The following KCNH5 variants were observed in gnomAD, a reference collection of about 807,000 sequenced individuals.
KCNH5 encodes potassium voltage-gated channel subfamily H member 5.
Under a neutral mutation model 96.1 loss-of-function variants are expected in KCNH5, and 46 were observed. That is an observed-to-expected ratio of 0.48 (90% CI 0.38 to 0.61). The LOEUF (loss-of-function observed/expected upper bound fraction) is 0.61. Among genes scored for constraint, KCNH5 ranks in the 20% least tolerant of loss-of-function variants. The pLI is 0.00. For synonymous variants in KCNH5, 439 were observed against 449.8 expected, an observed-to-expected ratio of 0.98 and a Z score of 0.30; for missense variants, 907 against 1,225.8, an observed-to-expected ratio of 0.74 and a Z score of 3.88.
intron 6 of KCNH5, among the ~76,000 whole-genome samples, chr14:62,974,482 A>C (rs1408639784): frequency 6.6e-6 from 1 of 152,146 alleles, no homozygotes; most frequent in Non-Finnish European, 1.5e-5. Context: ...CAGCTTTTAG[A>C]AAATTTATGT....
chr14:62,926,084 G>A (rs1216212194), intron 7 of KCNH5, among the ~76,000 whole-genome samples: 2 of 152,026 alleles, frequency 1.3e-5, no homozygotes, highest in Admixed American at 6.6e-5. Flanking sequence ...ATTTCAAAAT[G>A]TTTCAGCAGA....
chr14:62,764,418 A>G (rs1885816578), intron 10 of KCNH5, among the ~76,000 whole-genome samples: 1 of 152,210 alleles, frequency 6.6e-6, no homozygotes, highest in Admixed American at 6.5e-5. Flanking sequence ...CCAAAGTCAT[A>G]CTGACTAGGC....
chr14:62,818,108 G>A (rs201124355), intron 8 of KCNH5, among the ~76,000 whole-genome samples: 2 of 91,956 alleles, frequency 2.2e-5, no homozygotes, highest in Non-Finnish European at 4.3e-5. Flanking sequence ...GGAGCTGGGG[G>A]CGGGGGGGGG....
intron 4 of KCNH5, among the ~76,000 whole-genome samples, chr14:62,994,789 G>A (rs1434047358): frequency 6.6e-6 from 1 of 152,024 alleles, no homozygotes; most frequent in Non-Finnish European, 1.5e-5. Context: ...TTGAGCGTCA[G>A]AATCTTCAAC....
chr14:62,714,156 G>A (rs1318958543), intron 10 of KCNH5, among the ~76,000 whole-genome samples: 2 of 152,038 alleles, frequency 1.3e-5, no homozygotes, highest in African/African-American at 2.4e-5. Context: ...ATGCATGGTG[G>A]TGCATGCCCG....
intron 9 of KCNH5, among the ~76,000 whole-genome samples, chr14:62,781,684 C>T (rs976166287): frequency 6.6e-6 from 1 of 152,206 alleles, no homozygotes; most frequent in Non-Finnish European, 1.5e-5. Context: ...TTCCGCCGGG[C>T]TCACCGGAGG....
intron 3 of KCNH5, among the ~76,000 whole-genome samples, chr14:63,003,720 T>C (rs1032220925): frequency 2.0e-5 from 3 of 147,734 alleles, no homozygotes; most frequent in Non-Finnish European, 3.0e-5. Flanking sequence ...CCTGGGTTCA[T>C]GCCATTCTCC....
chr14:62,820,224 G>A (rs1887087399), intron 8 of KCNH5, among the ~76,000 whole-genome samples: 1 of 152,122 alleles, frequency 6.6e-6, no homozygotes, highest in African/African-American at 2.4e-5. Flanking sequence ...CCAAAGCAAA[G>A]TGAAACTAAT....
At chr14:62,739,899 T>C (rs1015482925) in intron 10 of KCNH5, among the ~76,000 whole-genome samples, 3 of 152,146 alleles carry the variant, frequency 2.0e-5, no homozygotes, top group Non-Finnish European at 4.4e-5. Flanking sequence ...ATTTTATAGC[T>C]AGGCAATCAA....
chr14:63,007,195 A>G (rs1891143222), intron 2 of KCNH5, among the ~76,000 whole-genome samples: 1 of 152,164 alleles, frequency 6.6e-6, no homozygotes, highest in Admixed American at 6.6e-5. Context: ...GACAAAAAGG[A>G]TGAAGGTTTC....
chr14:62,740,129 T>C (rs1472237842), intron 10 of KCNH5, among the ~76,000 whole-genome samples: 1 of 152,140 alleles, frequency 6.6e-6, no homozygotes, highest in Non-Finnish European at 1.5e-5. Context: ...AAAGGTCAAG[T>C]AGGAGTCCCT....
In KCNH5 at chr14:62,950,063, CCTAT is replaced by C. The variant is rs1384837653; in HGVS notation, c.1369+66_1369+69del. On this transcript the variant is annotated intron_variant, in intron 7 of 10. Coordinates refer to ENST00000322893, the MANE Select transcript of KCNH5 (RefSeq NM_139318.5). ...TGTAAACAAAGTAGTTCGTTTTCATCCTATCTGAGATTGTAGCCAGGAAAATTGC... is the reference window on the plus strand; with the variant it reads ...TGTAAACAAAGTAGTTCGTTTTCATCCTGAGATTGTAGCCAGGAAAATTGC... 5 of 1,364,314 alleles carry C rather than the reference CCTAT, an allele frequency of 3.7e-6. No homozygotes were observed. The African/African-American group carries it at 4.3e-5, about 12-fold the overall frequency. The allele number at this position is 1,364,314 out of a possible 1,614,324, so 84.5% of individuals were successfully genotyped here. A position where few individuals can be genotyped will look rare whatever the true frequency, so the allele number is the denominator to read the frequency against.
chr14:62,776,642 C>T (rs2139972011), intron 10 of KCNH5, among the ~76,000 whole-genome samples: 1 of 152,260 alleles, frequency 6.6e-6, no homozygotes. Flanking sequence ...ACTATCTGGT[C>T]CTTGACAGAA....
At chr14:62,908,832 C>A (rs903773496) in intron 7 of KCNH5, among the ~76,000 whole-genome samples, 2 of 83,708 alleles carry the variant, frequency 2.4e-5, no homozygotes, top group African/African-American at 9.6e-5. Flanking sequence ...AAATCTTAGT[C>A]ATGAGTATCA....
At chr14:62,959,398 A>G (rs1002546934) in intron 6 of KCNH5, among the ~76,000 whole-genome samples, 2 of 152,288 alleles carry the variant, frequency 1.3e-5, no homozygotes, top group Non-Finnish European at 2.9e-5. Flanking sequence ...CACACCTGAT[A>G]AAACCTAACA....
intron 5 of KCNH5, among the ~76,000 whole-genome samples, chr14:62,982,745 G>T (rs1349140287): frequency 2.0e-5 from 3 of 152,176 alleles, no homozygotes; most frequent in South Asian, 2.1e-4. Flanking sequence ...TACTATTTTT[G>T]ATATGGAAAA....
intron 7 of KCNH5, among the ~76,000 whole-genome samples, chr14:62,861,675 C>CACAT (rs3046137): frequency 1.4e-5 from 2 of 147,932 alleles, no homozygotes; most frequent in African/African-American, 2.5e-5. Flanking sequence ...CACACACACA[C>CACAT]GGTATAATTA....
At chr14:62,720,252 G>A (rs1276566113) in intron 10 of KCNH5, among the ~76,000 whole-genome samples, 2 of 152,310 alleles carry the variant, frequency 1.3e-5, no homozygotes, top group Non-Finnish European at 2.9e-5. Flanking sequence ...AGAGGACGTG[G>A]AAGAGGTGGC....
At chr14:63,035,439 A>G (rs1891704983) in intron 1 of KCNH5, among the ~76,000 whole-genome samples, 1 of 152,316 alleles carries the variant, frequency 6.6e-6, no homozygotes, top group South Asian at 2.1e-4. Context: ...TCTACACTCT[A>G]TGTAACAGGA....
Sources: gnomAD v4.1 joint callset for allele counts (sites outside exome capture counted in the v4.1 genomes callset) on GRCh38, gnomAD v4.1.1 for gene constraint, MANE v1.5 for transcripts, NCBI Gene and HGNC (gene_info 2026-07-23, HGNC 2026-07-21) for gene names.